NGEF: variants seen among roughly 807,000 people sequenced by gnomAD.
NGEF encodes the protein ephexin-1.
NGEF carries 31 observed loss-of-function variants against 80.9 expected under a neutral mutation model. The observed-to-expected ratio is 0.38, with a 90% CI of 0.29 to 0.52. NGEF has a LOEUF of 0.52. Ranked by LOEUF, NGEF falls within the 20% of genes least tolerant of loss-of-function variation. The pLI, the probability that NGEF is intolerant of heterozygous loss-of-function variation, is 0.84. For synonymous variants in NGEF, 371 were observed against 370.2 expected (o/e 1.00, Z -0.03); for missense variants, 709 against 926.2 (o/e 0.77, Z 3.04).
intron 3 of NGEF, among the ~76,000 whole-genome samples, chr2:232,946,359 C>T (rs147116809): frequency 5.3e-4 from 81 of 152,150 alleles, no homozygotes; most frequent in African/African-American, 1.8e-3. Context: ...ATAGATGTAC[C>T]AAAATCTCAC....
At chr2:232,893,984 A>G (rs973081000) in intron 6 of NGEF, among the ~76,000 whole-genome samples, 9 of 151,992 alleles carry the variant, frequency 5.9e-5, no homozygotes, top group African/African-American at 1.9e-4. Context: ...GCCACATGTG[A>G]TGCTGAGCGG....
In NGEF at chr2:232,878,783, GT is replaced by G. The variant is rs1691379183; in HGVS notation, c.*705del. The G allele has an allele frequency of 6.6e-6, 1 of 152,658 alleles. No individual in the cohort carries two copies. The highest frequency in any genetic ancestry group is 2.4e-5 in the African/African-American group (1 of 41,470). 9.5% of individuals were successfully genotyped at this position (152,658 alleles called of 1,614,324 possible). On this transcript the variant is annotated 3_prime_UTR_variant, in exon 15 of 15. Transcript: ENST00000264051. ...AGAACCATAATCGATACAAGATGCAGTGACCAATTCATTCCTTAAAACACCT... is the reference window on the plus strand; with the variant it reads ...AGAACCATAATCGATACAAGATGCAGGACCAATTCATTCCTTAAAACACCT...
At chr2:232,951,225 C>T (rs1389887778) in intron 3 of NGEF, among the ~76,000 whole-genome samples, 8 of 152,216 alleles carry the variant, frequency 5.3e-5, no homozygotes, top group Non-Finnish European at 2.9e-5. Flanking sequence ...CACGCGCTAC[C>T]TCGATGTCTA....
chr2:232,984,433 G>C (rs1285278370), intron 1 of NGEF, among the ~76,000 whole-genome samples: 1 of 152,180 alleles, frequency 6.6e-6, no homozygotes, highest in Non-Finnish European at 1.5e-5. Context: ...GTGGCATAGA[G>C]TTTGAGACAA....
chr2:232,936,620 CT>C (rs1283721273), intron 3 of NGEF, among the ~76,000 whole-genome samples: 2 of 152,190 alleles, frequency 1.3e-5, no homozygotes, highest in Non-Finnish European at 2.9e-5. Context: ...GTGGGCATCT[CT>C]GGTTGATGGT....
Position 232,884,037 on chromosome 2 carries a change from G to A in NGEF, c.1545C>T (p.His515=), listed in dbSNP as rs570697270. 41 of 1,613,022 alleles carry A rather than the reference G, an allele frequency of 2.5e-5. No homozygotes were observed. The highest frequency in any genetic ancestry group is 5.5e-5 in the South Asian group (5 of 90,838). The part of the protein sequence containing the change: ...SRTLRTKKLF[H]EIYLFLFNDL... ...CGTTGAACAGGAAGAGGTAAATTTC[G>A]TGGAAGAGCTTCTTGGTCCTCAGGG... The change falls in exon 11 of 15, where the codon CAC becomes CAT. Residue 515 remains histidine (H), a synonymous_variant. Coordinates refer to ENST00000264051, the MANE Select transcript of NGEF (RefSeq NM_019850.3).
chr2:232,966,640 C>G (rs1324441974), intron 3 of NGEF, among the ~76,000 whole-genome samples: 1 of 152,192 alleles, frequency 6.6e-6, no homozygotes, highest in African/African-American at 2.4e-5. Flanking sequence ...ACCCAGTAGC[C>G]AGCCCCGTCA....
chr2:232,960,186 C>T (rs1361682181), intron 3 of NGEF, among the ~76,000 whole-genome samples: 1 of 152,232 alleles, frequency 6.6e-6, no homozygotes, highest in East Asian at 1.9e-4. Context: ...TTAGATGTAG[C>T]TTAATTTTGT....
intron 5 of NGEF, among the ~76,000 whole-genome samples, chr2:232,913,187 C>T (rs73102745): frequency 0.089 from 13,567 of 152,216 alleles, 653 homozygotes; most frequent in East Asian, 0.11. Context: ...TGGTATGCTG[C>T]GGATTCATTT....
At chr2:232,999,125 C>A (rs1360634595) in intron 1 of NGEF, among the ~76,000 whole-genome samples, 1 of 152,176 alleles carries the variant, frequency 6.6e-6, no homozygotes, top group Non-Finnish European at 1.5e-5. Flanking sequence ...CTTCCCACAT[C>A]TGAGCAGTGA....
chr2:232,935,029 G>T (rs952919091), intron 3 of NGEF, among the ~76,000 whole-genome samples: 2 of 151,648 alleles, frequency 1.3e-5, no homozygotes, highest in Admixed American at 6.6e-5. Flanking sequence ...ATAATAATAA[G>T]AATAATTGGT....
intron 1 of NGEF, among the ~76,000 whole-genome samples, chr2:232,977,952 G>T (rs1242880612): frequency 2.6e-5 from 4 of 152,188 alleles, no homozygotes; most frequent in African/African-American, 9.6e-5. Context: ...GTGCCTGGCG[G>T]AATGCCACTC....
intron 1 of NGEF, among the ~76,000 whole-genome samples, chr2:232,988,111 A>C (rs1278016679): frequency 6.7e-6 from 1 of 149,526 alleles, no homozygotes; most frequent in Non-Finnish European, 1.5e-5. Context: ...CCCCAGAGGG[A>C]TGCCTCCTAC....
intron 9 of NGEF, among the ~76,000 whole-genome samples, chr2:232,885,919 C>T (rs1208074043): frequency 6.6e-6 from 1 of 152,240 alleles, no homozygotes; most frequent in Admixed American, 6.5e-5. Context: ...GTGAGAAACA[C>T]GCTCGCCAGC....
At chr2:232,902,571 C>T (rs988710983) in intron 5 of NGEF, among the ~76,000 whole-genome samples, 4 of 152,230 alleles carry the variant, frequency 2.6e-5, no homozygotes, top group African/African-American at 4.8e-5. Context: ...CCAATTACTA[C>T]GTTTTCTCAA....
intron 1 of NGEF, among the ~76,000 whole-genome samples, chr2:232,996,466 A>G (rs914456916): frequency 1.3e-5 from 2 of 152,226 alleles, no homozygotes; most frequent in Admixed American, 6.5e-5. Context: ...TGATTCTCAC[A>G]TGTTTAAGAG....
intron 1 of NGEF, among the ~76,000 whole-genome samples, chr2:233,001,283 T>A (rs114871695): frequency 0.014 from 2,208 of 152,308 alleles, 49 homozygotes; most frequent in African/African-American, 0.05. Context: ...AGGAGGCAAC[T>A]CCTAACATCT....
chr2:232,970,061 GT>G, intron 3 of NGEF, 152 bp downstream of exon 3: 1 of 415,284 alleles, frequency 2.4e-6, no homozygotes, highest in Non-Finnish European at 4.2e-6. Flanking sequence ...AAATTATGGA[GT>G]TTTTATTTAT....
intron 3 of NGEF, among the ~76,000 whole-genome samples, chr2:232,966,805 G>C (rs56367947): frequency 0.27 from 40,395 of 151,966 alleles, 5,837 homozygotes; most frequent in Non-Finnish European, 0.31. Context: ...CTTTGGGTCC[G>C]GGTTGTCAGT....
Sources: allele counts gnomAD v4.1 joint callset (sites outside exome capture counted in the v4.1 genomes callset), GRCh38; gene constraint gnomAD v4.1.1; transcripts MANE v1.5; gene names NCBI Gene and HGNC (gene_info 2026-07-23, HGNC 2026-07-21).